The following CCDC126 variants were observed in gnomAD, a reference collection of about 807,000 sequenced individuals.
The protein encoded by CCDC126 is coiled-coil domain-containing protein 126.
CCDC126 carries 5 observed loss-of-function variants against 11.7 expected under a neutral mutation model. The ratio of observed to expected loss-of-function variants is 0.43; its 90% CI spans 0.22 to 0.90. The LOEUF (loss-of-function observed/expected upper bound fraction) is 0.90, where lower values mean the gene tolerates loss of function less well. Ranked by LOEUF, CCDC126 falls within the 40% of genes least tolerant of loss-of-function variation. CCDC126 has a pLI of 0.27. For missense variants in CCDC126, 150 were observed against 163.1 expected, an observed-to-expected ratio of 0.92 and a Z score of 0.44; for synonymous variants, 60 against 61.9, an observed-to-expected ratio of 0.97 and a Z score of 0.14.
chr7:23,602,209 T>G (rs1294186534), intron 2 of CCDC126: 3 of 152,158 alleles, frequency 2.0e-5, no homozygotes, highest in Non-Finnish European at 4.4e-5. Flanking sequence ...ATATACAAAT[T>G]TAGAAAAAAA....
intron 2 of CCDC126, among the ~76,000 whole-genome samples, chr7:23,599,813 C>T (rs1013857653): frequency 6.6e-6 from 1 of 152,104 alleles, no homozygotes; most frequent in African/African-American, 2.4e-5. Flanking sequence ...TTGAGACAGC[C>T]TTGCTCTTTC....
chr7:23,642,798 G>C lies in CCDC126; in HGVS notation c.239-133G>C, dbSNP rs1043273376. On this transcript the variant is annotated intron_variant, in intron 3 of 3. Coordinates refer to ENST00000307471, the MANE Select transcript of CCDC126 (RefSeq NM_138771.4). ...AAAAATTAGGCTTTTCCTATTTGTA[G>C]TATGAGTGCATTCTCTCTAGTACAT... 1.0e-4 allele frequency: 67 copies of C among 654,712 alleles called. No homozygotes were observed. The African/African-American group carries it at 1.2e-3, about 11-fold the overall frequency. The allele number at this position is 654,712 out of a possible 1,614,324, so 40.6% of individuals were successfully genotyped here.
In CCDC126 at chr7:23,611,329, T is replaced by C. The variant is rs750375809; in HGVS notation, c.14T>C (p.Ile5Thr). The C allele has an allele frequency of 6.2e-7, 1 of 1,610,082 alleles. No homozygotes were observed. The highest frequency in any genetic ancestry group is 1.1e-5 in the South Asian group (1 of 90,812). The change falls in exon 3 of 4, where the codon ATC becomes ACC. Residue 5 changes from isoleucine to threonine, a missense_variant. By Grantham distance (89) the Ile-to-Thr change is moderately conservative. Coordinates refer to ENST00000307471, the MANE Select transcript of CCDC126 (RefSeq NM_138771.4). The stretch of plus-strand genomic sequence containing the variant: ...GCTTCTTCAGAAATGTTTTTTACAA[T>C]CTCAAGAAAAAATATGTCCCAGAAA... MFFTISRKNMSQKLS... is the reference protein window; with the variant it reads MFFTTSRKNMSQKLS...
intron 3 of CCDC126, among the ~76,000 whole-genome samples, chr7:23,628,999 G>A (rs570416772): frequency 1.3e-5 from 2 of 152,332 alleles, no homozygotes; most frequent in East Asian, 3.9e-4. Flanking sequence ...CCAGAGTGGT[G>A]TTAGAGAAAA....
intron 2 of CCDC126, among the ~76,000 whole-genome samples, chr7:23,606,681 T>G (rs1014847996): frequency 9.2e-5 from 14 of 152,222 alleles, no homozygotes; most frequent in African/African-American, 3.4e-4. Context: ...CTTTTGTGAC[T>G]TCTGCAGTTG....
intron 3 of CCDC126, among the ~76,000 whole-genome samples, chr7:23,615,252 T>G (rs900242545): frequency 1.3e-5 from 2 of 152,244 alleles, no homozygotes; most frequent in African/African-American, 2.4e-5. Flanking sequence ...GGCTTTTTCC[T>G]TAAACCTCAA....
intron 2 of CCDC126, among the ~76,000 whole-genome samples, chr7:23,600,547 G>A (rs1278711036): frequency 6.6e-6 from 1 of 152,122 alleles, no homozygotes; most frequent in East Asian, 1.9e-4. Context: ...TGAACATACT[G>A]TGTCTTTTTG....
chr7:23,626,890 G>A (rs1349937245), intron 3 of CCDC126, among the ~76,000 whole-genome samples: 2 of 152,172 alleles, frequency 1.3e-5, no homozygotes, highest in African/African-American at 2.4e-5. Flanking sequence ...CAGTTAATGT[G>A]TGCTTTCTCT....
At chr7:23,609,533 G>A (rs1282391407) in intron 2 of CCDC126, among the ~76,000 whole-genome samples, 1 of 152,098 alleles carries the variant, frequency 6.6e-6, no homozygotes, top group Non-Finnish European at 1.5e-5. Context: ...CAGACAGGAG[G>A]GGGGTTTTGG....
intron 3 of CCDC126, chr7:23,622,599 A>G (rs1782934261): frequency 1.1e-5 from 6 of 536,612 alleles, no homozygotes; most frequent in South Asian, 2.8e-5. Context: ...AAATTGGGGC[A>G]GAAGTATTGA....
Position 23,601,695 on chromosome 7 carries a change from C to T in CCDC126, c.-146+3644C>T, listed in dbSNP as rs533305326. 4.6e-5 allele frequency among the ~76,000 whole-genome samples: 7 copies of T among 152,084 alleles called. 2 individuals are homozygous for T. Among genetic ancestry groups the T allele is most frequent in the African/African-American group, 1.7e-4 (7 of 41,480 alleles). ...GTTCTAGTTTAAATATTTGCTGATT[C>T]TTTGTTTGATTTAATTAATTAATTA... On this transcript the variant is annotated intron_variant, in intron 2 of 3. Coordinates refer to ENST00000307471, the MANE Select transcript of CCDC126 (RefSeq NM_138771.4).
chr7:23,626,069 A>G (rs1562495925), intron 3 of CCDC126, among the ~76,000 whole-genome samples: 2 of 113,608 alleles, frequency 1.8e-5, no homozygotes, highest in African/African-American at 2.8e-5. Flanking sequence ...ATGTAGTAAA[A>G]TACATTTTTT....
At chr7:23,623,049 C>A (rs1782948503) in intron 3 of CCDC126, among the ~76,000 whole-genome samples, 1 of 145,646 alleles carries the variant, frequency 6.9e-6, no homozygotes, top group African/African-American at 2.5e-5. Context: ...TCTCAGCTCA[C>A]TGCAGCCTCT....
At chr7:23,635,036 C>A (rs554049720) in intron 3 of CCDC126, among the ~76,000 whole-genome samples, 11 of 152,300 alleles carry the variant, frequency 7.2e-5, no homozygotes, top group African/African-American at 2.6e-4. Context: ...ATGAAATAAT[C>A]AGGCTAGGTC....
intron 3 of CCDC126, among the ~76,000 whole-genome samples, chr7:23,637,539 GC>G (rs1783254853): frequency 2.3e-5 from 1 of 42,716 alleles, no homozygotes; most frequent in African/African-American, 1.0e-4. Flanking sequence ...GGGGGGATCA[GC>G]CCCCCGCCTG....
intron 3 of CCDC126, among the ~76,000 whole-genome samples, chr7:23,631,237 A>T (rs1246652326): frequency 6.6e-6 from 1 of 152,202 alleles, no homozygotes. Flanking sequence ...TAGGGTCAAA[A>T]AAAAGGGACA....
intron 3 of CCDC126, 95 bp downstream of exon 3, chr7:23,611,648 A>ATG: frequency 1.2e-6 from 1 of 817,400 alleles, no homozygotes; most frequent in Non-Finnish European, 2.0e-6. Flanking sequence ...AGGTCTTTGC[A>ATG]AAGTAATTTT....
At chr7:23,599,508 GT>G (rs879596778) in intron 2 of CCDC126, among the ~76,000 whole-genome samples, 42 of 144,018 alleles carry the variant, frequency 2.9e-4, no homozygotes, top group East Asian at 6.0e-4. Context: ...AGGTTTTGTT[GT>G]TTTTTTTTTT....
intron 3 of CCDC126, among the ~76,000 whole-genome samples, chr7:23,638,912 C>T (rs1222209542): frequency 7.0e-6 from 1 of 143,006 alleles, no homozygotes; most frequent in African/African-American, 2.6e-5. Flanking sequence ...TTTTAGGTTG[C>T]TACTTCTTTT....
Sources: allele counts gnomAD v4.1 joint callset (sites outside exome capture counted in the v4.1 genomes callset), GRCh38; gene constraint gnomAD v4.1.1; transcripts MANE v1.5; gene names NCBI Gene and HGNC (gene_info 2026-07-23, HGNC 2026-07-21).